The following AKAP6 variants were observed in gnomAD, a reference collection of about 807,000 sequenced individuals.
The protein encoded by AKAP6 is A-kinase anchoring protein 6.
AKAP6 carries 58 observed loss-of-function variants against 188.5 expected under a neutral mutation model. The ratio of observed to expected loss-of-function variants is 0.31; its 90% confidence interval spans 0.25 to 0.38. The LOEUF is 0.38. Ranked by LOEUF, AKAP6 falls within the 10% of genes least tolerant of loss-of-function variation. The pLI is 1.00. For synonymous variants in AKAP6, 989 were observed against 998.6 expected (o/e 0.99, Z 0.18); for missense variants, 2,710 against 2,740.0 (o/e 0.99, Z 0.24).
chr14:32,522,302 C>T (rs1404743163), intron 2 of AKAP6, among the ~76,000 whole-genome samples: 2 of 152,098 alleles, frequency 1.3e-5, no homozygotes, highest in Admixed American at 6.5e-5. Context: ...ACTGAAACAC[C>T]AAAAGCAATG....
At chr14:32,408,673 G>A (rs1438620652) in intron 1 of AKAP6, among the ~76,000 whole-genome samples, 5 of 150,912 alleles carry the variant, frequency 3.3e-5, no homozygotes, top group Non-Finnish European at 7.4e-5. Context: ...TGTAACCAGA[G>A]TTACTATTCT....
intron 4 of AKAP6, among the ~76,000 whole-genome samples, chr14:32,572,447 C>T (rs530592695): frequency 1.6e-3 from 238 of 152,330 alleles, no homozygotes; most frequent in Middle Eastern, 6.8e-3. Flanking sequence ...TGTGGCTGTT[C>T]CCTGGCCCCA....
intron 2 of AKAP6, among the ~76,000 whole-genome samples, chr14:32,489,748 T>G (rs1482368268): frequency 6.6e-6 from 1 of 152,242 alleles, no homozygotes; most frequent in Non-Finnish European, 1.5e-5. Flanking sequence ...ACAGTCTTAA[T>G]GCCCATGTAG....
intron 4 of AKAP6, among the ~76,000 whole-genome samples, chr14:32,559,783 C>A (rs368166732): frequency 8.4e-6 from 1 of 119,100 alleles, no homozygotes; most frequent in Non-Finnish European, 1.8e-5. Context: ...TAAGCCTAAT[C>A]TTTTTTTTTT....
At chr14:32,502,105 A>G (rs1880637463) in intron 2 of AKAP6, among the ~76,000 whole-genome samples, 1 of 152,148 alleles carries the variant, frequency 6.6e-6, no homozygotes, top group African/African-American at 2.4e-5. Context: ...CAATCAATGT[A>G]TAAATTGTAT....
intron 1 of AKAP6, among the ~76,000 whole-genome samples, chr14:32,391,463 A>G (rs999774154): frequency 2.0e-5 from 3 of 152,180 alleles, no homozygotes; most frequent in East Asian, 1.9e-4. Flanking sequence ...CTAAACAAAT[A>G]TGTGAAAATC....
intron 2 of AKAP6, among the ~76,000 whole-genome samples, chr14:32,500,733 G>A (rs2138982318): frequency 6.6e-6 from 1 of 152,242 alleles, no homozygotes. Context: ...TGATCTTTGT[G>A]TCTCCCAACC....
rs2034879943 is a variant in AKAP6 at position 32,836,774 on chromosome 14, C to T, written c.*6969C>T. ...TGCTTGAAATGAGGTGCTCCCAAACCTGGGAGATGGCTCCCAAAGAACAAG... is the reference window on the plus strand; with the variant it reads ...TGCTTGAAATGAGGTGCTCCCAAACTTGGGAGATGGCTCCCAAAGAACAAG... On this transcript the variant is annotated 3_prime_UTR_variant, in exon 14 of 14. Coordinates refer to ENST00000280979, the MANE Select transcript of AKAP6 (RefSeq NM_004274.5). The T allele has an allele frequency of 6.6e-6, 1 of 152,188 alleles. No individual in the cohort carries two copies. Among genetic ancestry groups the T allele is most frequent in the African/African-American group, 2.4e-5 (1 of 41,438 alleles). 9.4% of individuals were successfully genotyped at this position (152,188 alleles called of 1,614,324 possible). A position where few individuals can be genotyped will look rare whatever the true frequency, so the allele number is the denominator to read the frequency against.
At chr14:32,541,159 T>C (rs1488524965) in intron 3 of AKAP6, among the ~76,000 whole-genome samples, 1 of 152,132 alleles carries the variant, frequency 6.6e-6, no homozygotes, top group Non-Finnish European at 1.5e-5. Flanking sequence ...CTAGTTGAGA[T>C]GGTTGGCCGG....
intron 11 of AKAP6, among the ~76,000 whole-genome samples, chr14:32,764,633 T>A (rs2032646609): frequency 6.6e-6 from 1 of 152,104 alleles, no homozygotes; most frequent in Non-Finnish European, 1.5e-5. Flanking sequence ...GTACCTATGG[T>A]CAGCTACTTA....
chr14:32,511,311 G>C (rs114939349), intron 2 of AKAP6, among the ~76,000 whole-genome samples: 1,849 of 151,548 alleles, frequency 0.012, 49 homozygotes, highest in African/African-American at 0.042. Flanking sequence ...TCTTGTTTCA[G>C]TGTTTCAGGT....
At position 32,824,026 on chromosome 14, in the gene AKAP6, A is replaced by T; in HGVS notation, c.6213A>T (p.Leu2071=). ...TCATTGACATGGCTTCGACAGCCCT[A>T]AAAAGTAAATCTCAACCTGAAAACG... ...KEIIDMASTA[L]KSKSQPENEV... is the part of the protein sequence containing the mutation. Residue 2071 remains leucine (L), a synonymous_variant, in exon 13 of 14, where the codon CTA becomes CTT. Coordinates refer to ENST00000280979, the MANE Select transcript of AKAP6 (RefSeq NM_004274.5). 6.2e-7 allele frequency: 1 copy of T among 1,613,904 alleles called. No homozygotes were observed. Among genetic ancestry groups the T allele is most frequent in the East Asian group, 2.2e-5 (1 of 44,882 alleles).
chr14:32,749,573 T>C (rs1370475077), intron 11 of AKAP6, among the ~76,000 whole-genome samples: 1 of 152,172 alleles, frequency 6.6e-6, no homozygotes, highest in Non-Finnish European at 1.5e-5. Context: ...TTCCCATTTA[T>C]GAATTTCAGC....
At chr14:32,711,945 C>T (rs1268567086) in intron 9 of AKAP6, among the ~76,000 whole-genome samples, 1 of 151,826 alleles carries the variant, frequency 6.6e-6, no homozygotes, top group Non-Finnish European at 1.5e-5. Context: ...AGTATTTTCT[C>T]TTTGGTGAAA....
At chr14:32,455,829 C>A (rs1282329881) in intron 2 of AKAP6, among the ~76,000 whole-genome samples, 1 of 152,108 alleles carries the variant, frequency 6.6e-6, no homozygotes, top group Non-Finnish European at 1.5e-5. Flanking sequence ...TAACCTGCCC[C>A]CAACCTACTT....
chr14:32,822,094 G>A lies in AKAP6; in HGVS notation c.4281G>A (p.Gln1427=), dbSNP rs780139523. ...GESIKLPNSS[Q]SSISPVGCVN... Reference sequence around the variant, plus strand: ...GCATTAAGCTTCCAAATAGCTCTCAGTCGTCCATTTCACCAGTGGGTTGTG... The same window carrying A: ...GCATTAAGCTTCCAAATAGCTCTCAATCGTCCATTTCACCAGTGGGTTGTG... Residue 1427 remains glutamine, a synonymous_variant, in exon 13 of 14, where the codon CAG becomes CAA. Coordinates refer to ENST00000280979, the MANE Select transcript of AKAP6 (RefSeq NM_004274.5). The A allele has an allele frequency of 2.5e-6, 4 of 1,613,942 alleles. No individual in the cohort carries two copies. The South Asian group carries it at 3.3e-5, about 13-fold the overall frequency.
chr14:32,620,291 G>A (rs1206187685), intron 7 of AKAP6, among the ~76,000 whole-genome samples: 2 of 152,052 alleles, frequency 1.3e-5, no homozygotes, highest in Non-Finnish European at 2.9e-5. Context: ...GTATGACATT[G>A]GCTATGGCTT....
intron 11 of AKAP6, among the ~76,000 whole-genome samples, chr14:32,744,310 TTTTATTTTA>T (rs2031800102): frequency 6.6e-6 from 1 of 151,820 alleles, no homozygotes; most frequent in Admixed American, 6.6e-5. Flanking sequence ...TTTTTAATTA[TTTTATTTTA>T]TTTTATTTTA....
In AKAP6 at chr14:32,832,948, T is replaced by G. The variant is rs914961673; in HGVS notation, c.*3143T>G. ...TCACATTAAGGAACTGTCTTCATCATCATACATGTAGAAAAGAATCTGAAC... is the reference window on the plus strand; with the variant it reads ...TCACATTAAGGAACTGTCTTCATCAGCATACATGTAGAAAAGAATCTGAAC... On this transcript the variant is annotated 3_prime_UTR_variant, in exon 14 of 14. Transcript: ENST00000280979. 2.6e-5 allele frequency: 4 copies of G among 152,682 alleles called. No homozygotes were observed. The highest frequency in any genetic ancestry group is 2.1e-4 in the South Asian group (1 of 4,834). The allele number at this position is 152,682 out of a possible 1,614,324, so 9.5% of individuals were successfully genotyped here.
Sources: allele counts gnomAD v4.1 joint callset (sites outside exome capture counted in the v4.1 genomes callset), GRCh38; gene constraint gnomAD v4.1.1; transcripts MANE v1.5; gene names NCBI Gene and HGNC (gene_info 2026-07-23, HGNC 2026-07-21).